Variants in PHACTR3 observed in about 807,000 individuals in gnomAD.
The protein encoded by PHACTR3 is protein phosphatase 1, regulatory subunit 123.
PHACTR3 carries 16 observed loss-of-function variants against 66.8 expected under a neutral mutation model. The ratio of observed to expected loss-of-function variants is 0.24; its 90% confidence interval spans 0.16 to 0.36. The LOEUF (loss-of-function observed/expected upper bound fraction) is 0.36, where lower values mean the gene tolerates loss of function less well. Among genes scored for constraint, PHACTR3 ranks in the 10% least tolerant of loss-of-function variants. PHACTR3 has a pLI of 1.00. For synonymous variants in PHACTR3, 323 were observed against 292.1 expected, an observed-to-expected ratio of 1.11 and a Z score of -1.08; for missense variants, 647 against 719.9, an observed-to-expected ratio of 0.90 and a Z score of 1.16.
intron 1 of PHACTR3, among the ~76,000 whole-genome samples, chr20:59,584,296 G>C (rs2032952768): frequency 1.3e-5 from 2 of 151,702 alleles, no homozygotes; most frequent in South Asian, 4.2e-4. Context: ...GTGTGTACGT[G>C]CCTGTGTGTG....
chr20:59,779,123 G>T (rs533528567), intron 7 of PHACTR3, among the ~76,000 whole-genome samples: 13 of 152,270 alleles, frequency 8.5e-5, no homozygotes, highest in African/African-American at 3.1e-4. Context: ...CAAACTGGCA[G>T]GTATGTCTGA....
At chr20:59,743,589 G>T (rs138923483) in intron 2 of PHACTR3, among the ~76,000 whole-genome samples, 2 of 152,212 alleles carry the variant, frequency 1.3e-5, no homozygotes, top group Admixed American at 1.3e-4. Flanking sequence ...GGGTTGGGCC[G>T]AGACACTGGC....
intron 1 of PHACTR3, among the ~76,000 whole-genome samples, chr20:59,616,661 C>A (rs1234817385): frequency 6.6e-6 from 1 of 152,204 alleles, no homozygotes; most frequent in Non-Finnish European, 1.5e-5. Flanking sequence ...CTGCGCTGAG[C>A]TGACCACCAG....
At chr20:59,831,399 C>T (rs2042371922) in intron 8 of PHACTR3, among the ~76,000 whole-genome samples, 1 of 152,164 alleles carries the variant, frequency 6.6e-6, no homozygotes, top group African/African-American at 2.4e-5. Flanking sequence ...CTCTCTGTCC[C>T]TGGGGTTTCT....
At chr20:59,796,311 C>T (rs2041251887) in intron 7 of PHACTR3, among the ~76,000 whole-genome samples, 1 of 152,002 alleles carries the variant, frequency 6.6e-6, no homozygotes, top group Admixed American at 6.6e-5. Context: ...TTGTATGTTT[C>T]TTAACAACTT....
intron 1 of PHACTR3, among the ~76,000 whole-genome samples, chr20:59,669,341 A>G (rs889515449): frequency 2.6e-5 from 4 of 152,208 alleles, no homozygotes; most frequent in African/African-American, 9.6e-5. Context: ...GGGACTTAAA[A>G]TAATCAGTGC....
intron 8 of PHACTR3, among the ~76,000 whole-genome samples, chr20:59,818,686 G>A (rs550238728): frequency 6.6e-6 from 1 of 152,318 alleles, no homozygotes; most frequent in South Asian, 2.1e-4. Flanking sequence ...GCATGGGAAG[G>A]CATCTCCTAA....
chr20:59,729,302 T>A (rs1052457573), intron 1 of PHACTR3, among the ~76,000 whole-genome samples: 4 of 152,072 alleles, frequency 2.6e-5, no homozygotes, highest in African/African-American at 9.7e-5. Flanking sequence ...CACTTGGCTG[T>A]CCCCGCTCCC....
At chr20:59,729,034 G>A (rs1377472866) in intron 1 of PHACTR3, among the ~76,000 whole-genome samples, 1 of 152,136 alleles carries the variant, frequency 6.6e-6, no homozygotes, top group Non-Finnish European at 1.5e-5. Context: ...GTGGGGATGA[G>A]CCTGGGGAGG....
chr20:59,717,380 A>C (rs1226542152), intron 1 of PHACTR3, among the ~76,000 whole-genome samples: 1 of 152,236 alleles, frequency 6.6e-6, no homozygotes, highest in South Asian at 2.1e-4. Context: ...CTAAACTAGA[A>C]TATACACACC....
Position 59,829,169 on chromosome 20 carries a change from T to C in PHACTR3, c.1329-7336T>C, listed in dbSNP as rs1255671589. On this transcript the variant is annotated intron_variant, in intron 8 of 12. Transcript: ENST00000371015. The surrounding 1 kb of genome is among the most constrained non-coding windows in gnomAD (Gnocchi z 4.2). ...AGGTCGGCTTTGGACTCAGAGTGCC[T>C]GGAGTCACATCCTCCCCGGCATCCC... 6.6e-6 allele frequency among the ~76,000 whole-genome samples: 1 copy of C among 152,100 alleles called. No individual in the cohort carries two copies. The highest frequency in any genetic ancestry group is 1.5e-5 in the Non-Finnish European group (1 of 67,992).
intron 1 of PHACTR3, among the ~76,000 whole-genome samples, chr20:59,673,378 T>C (rs541200705): frequency 1.3e-5 from 2 of 152,324 alleles, no homozygotes; most frequent in Admixed American, 6.5e-5. Context: ...AGCACAGGCG[T>C]TGGGCACCAG....
intron 1 of PHACTR3, among the ~76,000 whole-genome samples, chr20:59,700,908 G>C (rs1396015154): frequency 1.3e-5 from 2 of 152,058 alleles, no homozygotes; most frequent in African/African-American, 4.8e-5. Flanking sequence ...TCCCGCCTCA[G>C]CCTCCCAAGT....
intron 1 of PHACTR3, among the ~76,000 whole-genome samples, chr20:59,595,422 A>G (rs1274053936): frequency 6.6e-6 from 1 of 152,196 alleles, no homozygotes. Flanking sequence ...AGATTGCGCC[A>G]CTGCACTCCA....
rs147998289 is a variant in PHACTR3 at position 59,616,540 on chromosome 20, C to A, written c.118+11408C>A. ...CGGGAAGCTCCGCTCAAGGCGTTGC[C>A]CCCTGATTTCCTAGTGGGGGAGCTG... On this transcript the variant is annotated intron_variant, in intron 1 of 12. Transcript: ENST00000371015. 5.5e-3 allele frequency among the ~76,000 whole-genome samples: 840 copies of A among 152,320 alleles called. 24 individuals carry two copies. Among genetic ancestry groups the A allele is most frequent in the Admixed American group, 0.049 (743 of 15,298 alleles).
intron 8 of PHACTR3, chr20:59,835,851 G>A (rs1367852962): frequency 6.6e-6 from 1 of 152,276 alleles, no homozygotes; most frequent in East Asian, 1.9e-4. Flanking sequence ...TAGCTGCGCT[G>A]GCTGGAAGAG....
At chr20:59,690,548 G>A (rs2037072982) in intron 1 of PHACTR3, among the ~76,000 whole-genome samples, 1 of 152,218 alleles carries the variant, frequency 6.6e-6, no homozygotes, top group Non-Finnish European at 1.5e-5. Context: ...CAGGAGGTGT[G>A]TGCAGAGTGG....
At chr20:59,838,052 G>C in intron 9 of PHACTR3, among the ~76,000 whole-genome samples, 1 of 152,140 alleles carries the variant, frequency 6.6e-6, no homozygotes, top group East Asian at 1.9e-4. Flanking sequence ...CTTACCTTCA[G>C]TGCATGAAAG....
intron 1 of PHACTR3, among the ~76,000 whole-genome samples, chr20:59,632,820 T>G (rs1469188834): frequency 6.6e-6 from 1 of 152,226 alleles, no homozygotes; most frequent in East Asian, 1.9e-4. Context: ...CTCCCTCACC[T>G]GCTTTAAGTG....
Sources: gnomAD v4.1 joint callset for allele counts (sites outside exome capture counted in the v4.1 genomes callset) on GRCh38, gnomAD v4.1.1 for gene constraint, Gnocchi (gnomAD v3.1) non-coding constraint, MANE v1.5 for transcripts, NCBI Gene and HGNC (gene_info 2026-07-23, HGNC 2026-07-21) for gene names.